SMAD2: variants seen among roughly 807,000 people sequenced by gnomAD.
SMAD2 encodes MAD homolog 2.
SMAD2 carries 8 observed loss-of-function variants against 64.4 expected under a neutral mutation model. That is an observed-to-expected ratio of 0.12 (90% CI 0.07 to 0.22). The LOEUF (loss-of-function observed/expected upper bound fraction) is 0.22, where lower values mean the gene tolerates loss of function less well. Ranked by LOEUF, SMAD2 falls within the 10% of genes least tolerant of loss-of-function variation. The pLI is 1.00. For missense variants in SMAD2, 289 were observed against 561.2 expected, an observed-to-expected ratio of 0.51 and a Z score of 4.90; for synonymous variants, 203 against 195.8, an observed-to-expected ratio of 1.04 and a Z score of -0.31.
chr18:47,851,895 A>G lies in SMAD2; in HGVS notation c.731-568T>C, dbSNP rs980478529. On this transcript the variant is annotated intron_variant, in intron 6 of 10. Transcript: ENST00000262160. ...GCTTCCAATCACATCTGAAAGATACATTCTTCAAGAAACTGCCAGGTCGAA... is the reference window on the plus strand; with the variant it reads ...GCTTCCAATCACATCTGAAAGATACGTTCTTCAAGAAACTGCCAGGTCGAA... 4.6e-5 allele frequency among the ~76,000 whole-genome samples: 7 copies of G among 152,164 alleles called. No homozygotes were observed. In the East Asian group the frequency reaches 1.2e-3, roughly 25 times the overall value.
chr18:47,851,239 AT>A (rs1458059442), intron 7 of SMAD2, 34 bp downstream of exon 7: 20 of 1,439,146 alleles, frequency 1.4e-5, no homozygotes, highest in Non-Finnish European at 1.8e-5. Context: ...GTGATACAGT[AT>A]AAAAATGATG....
At chr18:47,918,973 A>G (rs2034446928) in intron 1 of SMAD2, among the ~76,000 whole-genome samples, 1 of 152,200 alleles carries the variant, frequency 6.6e-6, no homozygotes. Flanking sequence ...GAGTTTCTAG[A>G]TGGAAAGGGC....
chr18:47,929,796 A>G (rs1336712033), intron 1 of SMAD2, among the ~76,000 whole-genome samples: 2 of 152,234 alleles, frequency 1.3e-5, no homozygotes, highest in African/African-American at 4.8e-5. Context: ...TTAAAAACCA[A>G]GTTTGAAATA....
At chr18:47,849,376 A>G (rs981226581) in intron 7 of SMAD2, among the ~76,000 whole-genome samples, 1 of 152,098 alleles carries the variant, frequency 6.6e-6, no homozygotes, top group Non-Finnish European at 1.5e-5. Context: ...CTGCAAAAGA[A>G]AAAAACCTCA....
chr18:47,928,768 A>C (rs1484803331), intron 1 of SMAD2, among the ~76,000 whole-genome samples: 1 of 152,218 alleles, frequency 6.6e-6, no homozygotes, highest in African/African-American at 2.4e-5. Flanking sequence ...CTAAGTATAA[A>C]AACCAAGCTC....
At chr18:47,845,827 T>C in intron 8 of SMAD2, 27 bp from the exon 9 acceptor site, 3 of 1,602,952 alleles carry the variant, frequency 1.9e-6, no homozygotes, top group Non-Finnish European at 2.6e-6. Context: ...ATGAGATTAG[T>C]TTTGTAACAT....
At chr18:47,902,503 G>A (rs1397176529) in intron 1 of SMAD2, among the ~76,000 whole-genome samples, 1 of 152,150 alleles carries the variant, frequency 6.6e-6, no homozygotes, top group Non-Finnish European at 1.5e-5. Flanking sequence ...CTTACCACTT[G>A]AGGACAGAGA....
chr18:47,850,565 ATATATAT>A (rs1483656488), intron 7 of SMAD2, among the ~76,000 whole-genome samples: 15 of 51,076 alleles, frequency 2.9e-4, no homozygotes, highest in Non-Finnish European at 9.2e-5. Flanking sequence ...ATTATGTATA[ATATATAT>A]TATATATTAT....
chr18:47,852,548 A>G (rs77827123), intron 6 of SMAD2, among the ~76,000 whole-genome samples: 247 of 152,298 alleles, frequency 1.6e-3, no homozygotes, highest in African/African-American at 5.8e-3. Context: ...ACAATCTAGC[A>G]GCTTTATCCT....
At chr18:47,924,328 T>C (rs542898987) in intron 1 of SMAD2, among the ~76,000 whole-genome samples, 1 of 152,046 alleles carries the variant, frequency 6.6e-6, no homozygotes, top group South Asian at 2.1e-4. Flanking sequence ...AAAGTATCTC[T>C]AGTCAACAAA....
chr18:47,910,039 T>C lies in SMAD2; in HGVS notation c.-53-13230A>G, dbSNP rs181879721. 3.4e-4 allele frequency among the ~76,000 whole-genome samples: 52 copies of C among 152,186 alleles called. No homozygotes were observed. The Middle Eastern group carries it at 0.02, about 60-fold the overall frequency. Reference sequence around the variant, plus strand: ...GCCATGGAAGATGCCATTGCTGTTATAGAAAAAACCATGAAAGCCATCAAG... The same window carrying C: ...GCCATGGAAGATGCCATTGCTGTTACAGAAAAAACCATGAAAGCCATCAAG... On this transcript the variant is annotated intron_variant, in intron 1 of 10. Coordinates refer to ENST00000262160, the MANE Select transcript of SMAD2 (RefSeq NM_005901.6).
At chr18:47,917,745 A>T (rs2034392807) in intron 1 of SMAD2, among the ~76,000 whole-genome samples, 1 of 152,052 alleles carries the variant, frequency 6.6e-6, no homozygotes, top group Non-Finnish European at 1.5e-5. Flanking sequence ...TTTTTAAGAT[A>T]TGGGTTCTCC....
Position 47,817,917 on chromosome 18 carries a change from T to C in SMAD2, c.*23910A>G, listed in dbSNP as rs964504588. The C allele has an allele frequency of 2.0e-5, 3 of 152,238 alleles. No individual in the cohort carries two copies. The highest frequency in any genetic ancestry group is 4.4e-5 in the Non-Finnish European group (3 of 68,050). The allele number at this position is 152,238 out of a possible 1,614,324, so 9.4% of individuals were successfully genotyped here. ...TCTGTCAGGATTTACAGAATTTTCTTTGCTCTTAAGAGATTGAGAAGAAAC... is the reference window on the plus strand; with the variant it reads ...TCTGTCAGGATTTACAGAATTTTCTCTGCTCTTAAGAGATTGAGAAGAAAC... On this transcript the variant is annotated 3_prime_UTR_variant, in exon 11 of 11. Coordinates refer to ENST00000262160, the MANE Select transcript of SMAD2 (RefSeq NM_005901.6).
At chr18:47,847,388 G>C (rs1365971733) in intron 8 of SMAD2, among the ~76,000 whole-genome samples, 1 of 151,844 alleles carries the variant, frequency 6.6e-6, no homozygotes, top group Non-Finnish European at 1.5e-5. Context: ...AAAAACAGAA[G>C]CAAACTACTG....
chr18:47,917,601 C>G (rs1445531523), intron 1 of SMAD2, among the ~76,000 whole-genome samples: 1 of 152,182 alleles, frequency 6.6e-6, no homozygotes, highest in Non-Finnish European at 1.5e-5. Flanking sequence ...CTCATCCCCA[C>G]TGACTTGGAG....
chr18:47,902,068 C>T (rs557450197), intron 1 of SMAD2, among the ~76,000 whole-genome samples: 8 of 152,182 alleles, frequency 5.3e-5, no homozygotes, highest in Admixed American at 4.6e-4. Context: ...TTATCTCTTC[C>T]GCCCAGCTGA....
chr18:47,916,192 T>A (rs1195210489), intron 1 of SMAD2, among the ~76,000 whole-genome samples: 1 of 152,222 alleles, frequency 6.6e-6, no homozygotes, highest in African/African-American at 2.4e-5. Context: ...CCATGTTCTT[T>A]GGTGAGAATG....
intron 7 of SMAD2, among the ~76,000 whole-genome samples, chr18:47,849,488 TATATATA>T (rs1914877198): frequency 1.9e-4 from 2 of 10,810 alleles, no homozygotes. Flanking sequence ...GAAATGTATG[TATATATA>T]TATATATATA....
chr18:47,913,232 C>T (rs912513935), intron 1 of SMAD2, among the ~76,000 whole-genome samples: 3 of 152,072 alleles, frequency 2.0e-5, no homozygotes, highest in Admixed American at 6.6e-5. Context: ...GTTACACTTT[C>T]GTTAGGAGAA....
Sources: gnomAD v4.1 joint callset for allele counts (sites outside exome capture counted in the v4.1 genomes callset) on GRCh38, gnomAD v4.1.1 for gene constraint, MANE v1.5 for transcripts, NCBI Gene and HGNC (gene_info 2026-07-23, HGNC 2026-07-21) for gene names.